Variants in PRKAR1B observed in about 807,000 individuals in gnomAD.
The protein encoded by PRKAR1B is cAMP-dependent protein kinase type I-beta regulatory subunit.
PRKAR1B carries 22 observed loss-of-function variants against 46.5 expected under a neutral mutation model. The observed-to-expected ratio is 0.47, with a 90% CI of 0.34 to 0.68. The LOEUF (loss-of-function observed/expected upper bound fraction) is 0.68. Among genes scored for constraint, PRKAR1B ranks in the 30% least tolerant of loss-of-function variants. PRKAR1B has a pLI of 0.01. For synonymous variants in PRKAR1B, 259 were observed against 217.7 expected, an observed-to-expected ratio of 1.19 and a Z score of -1.67; for missense variants, 445 against 535.6, an observed-to-expected ratio of 0.83 and a Z score of 1.67.
chr7:649,470 GGTAA>G (rs1347224550), intron 4 of PRKAR1B, among the ~76,000 whole-genome samples: 1 of 152,000 alleles, frequency 6.6e-6, no homozygotes, highest in East Asian at 1.9e-4. Flanking sequence ...TAACATTTTT[GGTAA>G]GTAATTATTC....
intron 2 of PRKAR1B, among the ~76,000 whole-genome samples, chr7:686,126 C>T (rs997439859): frequency 2.6e-5 from 4 of 151,892 alleles, no homozygotes; most frequent in African/African-American, 9.7e-5. Flanking sequence ...CAGTGAAACC[C>T]CGTCTCTACT....
chr7:699,971 G>A (rs748479671), intron 2 of PRKAR1B, among the ~76,000 whole-genome samples: 12 of 152,216 alleles, frequency 7.9e-5, no homozygotes, highest in Non-Finnish European at 1.8e-4. Flanking sequence ...CGAGGGGACA[G>A]CGGCGTGGGC....
At chr7:635,460 C>T (rs1023361555) in intron 4 of PRKAR1B, among the ~76,000 whole-genome samples, 1 of 152,204 alleles carries the variant, frequency 6.6e-6, no homozygotes, top group African/African-American at 2.4e-5. Flanking sequence ...CCTGCACCCC[C>T]CTGGGGCTCA....
At chr7:699,251 G>A (rs1779933412) in intron 2 of PRKAR1B, among the ~76,000 whole-genome samples, 1 of 152,196 alleles carries the variant, frequency 6.6e-6, no homozygotes, top group Non-Finnish European at 1.5e-5. Flanking sequence ...TTTCTCATTT[G>A]TAAGATGGGA....
intron 2 of PRKAR1B, chr7:691,523 G>A (rs1458647500): frequency 3.1e-6 from 4 of 1,304,514 alleles, no homozygotes; most frequent in Non-Finnish European, 3.0e-6. Context: ...CAAATGAAGA[G>A]GAGAGCTGGG....
rs1428679509 is a variant in PRKAR1B, at chr7:549,931, G to C, written c.*499C>G. 6.3e-6 allele frequency: 1 copy of C among 157,678 alleles called. No homozygotes were observed. Among genetic ancestry groups the C allele is most frequent in the African/African-American group, 2.4e-5 (1 of 41,208 alleles). 9.8% of individuals were successfully genotyped at this position (157,678 alleles called of 1,614,324 possible). On this transcript the variant is annotated 3_prime_UTR_variant, in exon 11 of 11. Coordinates refer to ENST00000537384, the MANE Select transcript of PRKAR1B (RefSeq NM_001164760.2). Reference sequence around the variant, plus strand: ...CGGGCAGGGGTACACATTTGCGGGAGGGGCCTTGACTTCTTCGGCCTCAAC... The same window carrying C: ...CGGGCAGGGGTACACATTTGCGGGACGGGCCTTGACTTCTTCGGCCTCAAC...
intron 9 of PRKAR1B, among the ~76,000 whole-genome samples, chr7:557,110 G>A (rs533629705): frequency 2.9e-4 from 44 of 152,318 alleles, no homozygotes; most frequent in African/African-American, 1.0e-3. Context: ...TGGGAGGAGG[G>A]GAGCGCGGTC....
At chr7:628,270 G>A (rs1363268136) in intron 4 of PRKAR1B, among the ~76,000 whole-genome samples, 2 of 152,236 alleles carry the variant, frequency 1.3e-5, no homozygotes, top group South Asian at 2.1e-4. Context: ...GCCTAGAGCT[G>A]GAAACCTCAT....
intron 2 of PRKAR1B, chr7:691,532 GGCATTACCAGT>G: frequency 1.5e-6 from 2 of 1,304,492 alleles, no homozygotes; most frequent in Non-Finnish European, 2.0e-6. Context: ...AGGAGAGCTG[GGCATTACCAGT>G]GGATCCATGT....
At chr7:600,296 G>A (rs962394981) in intron 6 of PRKAR1B, among the ~76,000 whole-genome samples, 4 of 152,134 alleles carry the variant, frequency 2.6e-5, no homozygotes, top group Non-Finnish European at 5.9e-5. Context: ...CTTGAAGCCA[G>A]GAGTCTGAGA....
At chr7:701,119 C>A (rs1780035308) in intron 2 of PRKAR1B, among the ~76,000 whole-genome samples, 1 of 151,286 alleles carries the variant, frequency 6.6e-6, no homozygotes, top group South Asian at 2.1e-4. Context: ...ACCCAGGAGG[C>A]AGAGGTTACA....
rs183611183 is a variant in PRKAR1B at position 646,932 on chromosome 7, G to A, written c.440+30297C>T. On this transcript the variant is annotated intron_variant, in intron 4 of 10. Transcript: ENST00000537384. The stretch of plus-strand genomic sequence containing the variant: ...AGGGCCCTGGGCTGAGGGCGGCAGC[G>A]GTACACCTGGCAGGGAGCCGGGGGC... Among the ~76,000 whole-genome samples, 193 of 152,298 alleles carry A rather than the reference G, an allele frequency of 1.3e-3. 1 individual carries two copies. The East Asian group carries it at 0.013, about 11-fold the overall frequency.
intron 8 of PRKAR1B, among the ~76,000 whole-genome samples, chr7:582,085 C>G (rs1318874148): frequency 1.3e-5 from 2 of 152,252 alleles, no homozygotes; most frequent in African/African-American, 4.8e-5. Context: ...TAAACGCAGT[C>G]ACGTGTCCCA....
Position 607,378 on chromosome 7 carries a change from A to G in PRKAR1B, c.502+13T>C. The G allele has an allele frequency of 6.2e-7, 1 of 1,611,446 alleles. No homozygotes were observed. Among genetic ancestry groups the G allele is most frequent in the East Asian group, 2.2e-5 (1 of 44,842 alleles). ...CCTCTGGACTTTGGCTCCGAGGAGC[A>G]GGCAGAACGTACCTTGCTGTATAAC... On this transcript the variant is annotated intron_variant, in intron 5 of 10. Coordinates refer to ENST00000537384, the MANE Select transcript of PRKAR1B (RefSeq NM_001164760.2).
intron 4 of PRKAR1B, among the ~76,000 whole-genome samples, chr7:630,823 C>T (rs1783692932): frequency 6.6e-6 from 1 of 152,192 alleles, no homozygotes; most frequent in South Asian, 2.1e-4. Flanking sequence ...CCACCATCTC[C>T]AGGGAGCACC....
At chr7:688,938 T>C (rs917304259) in intron 2 of PRKAR1B, among the ~76,000 whole-genome samples, 1 of 152,044 alleles carries the variant, frequency 6.6e-6, no homozygotes, top group Non-Finnish European at 1.5e-5. Context: ...TAAATAAATA[T>C]CAAAGAGGCA....
intron 2 of PRKAR1B, among the ~76,000 whole-genome samples, chr7:692,315 G>T (rs926014875): frequency 2.0e-5 from 3 of 152,180 alleles, no homozygotes; most frequent in African/African-American, 7.2e-5. Context: ...CAGGAGAATC[G>T]ATTGAACCCA....
chr7:621,984 G>A (rs1338486328), intron 4 of PRKAR1B, among the ~76,000 whole-genome samples: 1 of 152,234 alleles, frequency 6.6e-6, no homozygotes, highest in Non-Finnish European at 1.5e-5. Context: ...CCCCAGGAGT[G>A]ATGCAAATGG....
chr7:642,551 C>A (rs889187613), intron 4 of PRKAR1B, among the ~76,000 whole-genome samples: 1 of 151,946 alleles, frequency 6.6e-6, no homozygotes, highest in Non-Finnish European at 1.5e-5. Flanking sequence ...CGGTGAAACC[C>A]CGTCTCTACT....
Sources: gnomAD v4.1 joint callset for allele counts (sites outside exome capture counted in the v4.1 genomes callset) on GRCh38, gnomAD v4.1.1 for gene constraint, MANE v1.5 for transcripts, NCBI Gene and HGNC (gene_info 2026-07-23, HGNC 2026-07-21) for gene names.